The following CRACD variants were observed in gnomAD, a reference collection of about 807,000 sequenced individuals.
The protein encoded by CRACD is capping protein-inhibiting regulator of actin dynamics.
CRACD carries 56 observed loss-of-function variants against 106.8 expected under a neutral mutation model. The ratio of observed to expected loss-of-function variants is 0.52; its 90% CI spans 0.42 to 0.66. CRACD has a LOEUF of 0.66. CRACD is among the 30% of genes least tolerant of loss of function. The pLI, the probability that CRACD is intolerant of heterozygous loss-of-function variation, is 0.00. For missense variants in CRACD, 1,730 were observed against 1,623.2 expected (o/e 1.07, Z -1.13); for synonymous variants, 754 against 670.8 (o/e 1.12, Z -1.92).
At chr4:56,202,060 T>G (rs1198542553) in intron 2 of CRACD, among the ~76,000 whole-genome samples, 1 of 152,226 alleles carries the variant, frequency 6.6e-6, no homozygotes, top group African/African-American at 2.4e-5. Flanking sequence ...AGCGCACATG[T>G]GCATGATATA....
At chr4:56,063,477 C>G (rs1445814336) in intron 1 of CRACD, among the ~76,000 whole-genome samples, 1 of 152,138 alleles carries the variant, frequency 6.6e-6, no homozygotes, top group Admixed American at 6.5e-5. Flanking sequence ...TCACCACTGT[C>G]CATTTTCAGA....
chr4:56,279,213 G>A (rs893023745), intron 3 of CRACD, among the ~76,000 whole-genome samples: 1 of 152,114 alleles, frequency 6.6e-6, no homozygotes, highest in African/African-American at 2.4e-5. Flanking sequence ...AGATGCACCT[G>A]GTACCTCAGA....
intron 2 of CRACD, among the ~76,000 whole-genome samples, chr4:56,188,622 C>CCTCTCTCTCT (rs140815351): frequency 4.2e-4 from 51 of 121,604 alleles, no homozygotes; most frequent in African/African-American, 1.4e-3. Context: ...ATCTGTCTAG[C>CCTCTCTCTCT]CTCTCTCTCT....
chr4:56,174,382 CACTTAT>C (rs911306567), intron 1 of CRACD, among the ~76,000 whole-genome samples: 4 of 152,144 alleles, frequency 2.6e-5, no homozygotes, highest in African/African-American at 9.7e-5. Context: ...TGCTACTGAA[CACTTAT>C]TCTATCTAAC....
intron 1 of CRACD, among the ~76,000 whole-genome samples, chr4:56,131,694 T>C (rs1734832394): frequency 1.3e-5 from 2 of 152,164 alleles, no homozygotes; most frequent in Admixed American, 1.3e-4. Context: ...ATTTTTTTCA[T>C]GTTGTAGAAG....
rs536841142 is a variant in CRACD at position 56,249,952 on chromosome 4, C to T, written c.-188-22369C>T. On this transcript the variant is annotated intron_variant, in intron 2 of 10. Transcript: ENST00000682029. Reference sequence around the variant, plus strand: ...GAGAGTTAACATTGTTTTCTCACTACCCAGAATACTGCCATCTGCCAGTGA... The same window carrying T: ...GAGAGTTAACATTGTTTTCTCACTATCCAGAATACTGCCATCTGCCAGTGA... 2.7e-4 allele frequency among the ~76,000 whole-genome samples: 41 copies of T among 152,268 alleles called. 1 individual carries two copies. In the South Asian group the frequency reaches 8.5e-3, roughly 32 times the overall value.
At chr4:56,151,975 G>A (rs576981175) in intron 1 of CRACD, among the ~76,000 whole-genome samples, 2 of 151,326 alleles carry the variant, frequency 1.3e-5, no homozygotes, top group Non-Finnish European at 2.9e-5. Context: ...GATTAAGGGG[G>A]TGACTGCTGG....
At chr4:56,233,791 C>A (rs1224531352) in intron 2 of CRACD, among the ~76,000 whole-genome samples, 1 of 152,128 alleles carries the variant, frequency 6.6e-6, no homozygotes, top group African/African-American at 2.4e-5. Context: ...ATTTGGGTAG[C>A]ATTAATAACA....
intron 1 of CRACD, among the ~76,000 whole-genome samples, chr4:56,054,120 C>T (rs1293880210): frequency 6.6e-6 from 1 of 152,104 alleles, no homozygotes; most frequent in Non-Finnish European, 1.5e-5. Flanking sequence ...TTTGTATGTT[C>T]AGGCAGATAC....
intron 2 of CRACD, among the ~76,000 whole-genome samples, chr4:56,248,243 C>T (rs1368196199): frequency 6.6e-6 from 1 of 152,138 alleles, no homozygotes; most frequent in Non-Finnish European, 1.5e-5. Flanking sequence ...AAATATTTCT[C>T]AAAATAATTT....
intron 2 of CRACD, among the ~76,000 whole-genome samples, chr4:56,234,167 G>A (rs902001126): frequency 2.0e-5 from 3 of 151,994 alleles, no homozygotes; most frequent in Non-Finnish European, 4.4e-5. Context: ...TATATTCACA[G>A]TGTCGTGCAA....
chr4:56,215,525 C>G (rs1560486855), intron 2 of CRACD, among the ~76,000 whole-genome samples: 1 of 152,142 alleles, frequency 6.6e-6, no homozygotes, highest in Non-Finnish European at 1.5e-5. Context: ...TATTTACTGC[C>G]TTGTTTTACT....
intron 1 of CRACD, among the ~76,000 whole-genome samples, chr4:56,097,008 A>G (rs1733619778): frequency 6.6e-6 from 1 of 152,064 alleles, no homozygotes; most frequent in Admixed American, 6.5e-5. Context: ...TTAATGATGT[A>G]GAAGAATTGG....
chr4:56,202,078 G>A (rs1737904891), intron 2 of CRACD, among the ~76,000 whole-genome samples: 1 of 152,226 alleles, frequency 6.6e-6, no homozygotes, highest in Non-Finnish European at 1.5e-5. Flanking sequence ...ATATTTTTAT[G>A]TGATTGAGTG....
chr4:56,329,641 A>G lies in CRACD; in HGVS notation c.*1837A>G, dbSNP rs150146816. On this transcript the variant is annotated 3_prime_UTR_variant, in exon 11 of 11. Coordinates refer to ENST00000682029, the MANE Select transcript of CRACD (RefSeq NM_001393381.1). ...TAGTATTTCACTGCACGTCTTCCATACTAATGTTCATTTCTAAATCTTATA... is the reference window on the plus strand; with the variant it reads ...TAGTATTTCACTGCACGTCTTCCATGCTAATGTTCATTTCTAAATCTTATA... Among the ~76,000 whole-genome samples the G allele has an allele frequency of 6.6e-6, 1 of 152,270 alleles. No homozygotes were observed. Among genetic ancestry groups the G allele is most frequent in the Non-Finnish European group, 1.5e-5 (1 of 68,014 alleles).
intron 2 of CRACD, among the ~76,000 whole-genome samples, chr4:56,216,841 G>A (rs552033488): frequency 2.6e-4 from 40 of 151,022 alleles, no homozygotes; most frequent in Non-Finnish European, 5.0e-4. Context: ...TTAGCCGGGC[G>A]CGGTGGCGGG....
intron 1 of CRACD, among the ~76,000 whole-genome samples, chr4:56,125,328 C>T (rs1046761563): frequency 2.0e-5 from 3 of 152,082 alleles, no homozygotes; most frequent in African/African-American, 7.2e-5. Context: ...ATTTTTCTCC[C>T]CTTGCTTTTA....
intron 3 of CRACD, among the ~76,000 whole-genome samples, chr4:56,290,715 A>C (rs1743656805): frequency 6.6e-6 from 1 of 152,238 alleles, no homozygotes; most frequent in African/African-American, 2.4e-5. Context: ...TAGAAATGAC[A>C]GTTAAAACAT....
chr4:56,278,111 C>A (rs577689476), intron 3 of CRACD, among the ~76,000 whole-genome samples: 1 of 152,204 alleles, frequency 6.6e-6, no homozygotes, highest in East Asian at 1.9e-4. Flanking sequence ...AATGTGGTCC[C>A]CATCAAAATC....
Sources: allele counts gnomAD v4.1 joint callset (sites outside exome capture counted in the v4.1 genomes callset), GRCh38; gene constraint gnomAD v4.1.1; transcripts MANE v1.5; gene names NCBI Gene and HGNC (gene_info 2026-07-23, HGNC 2026-07-21).